Variants in ITGA9 observed in about 807,000 individuals in gnomAD.
ITGA9 encodes integrin alpha-9.
ITGA9 carries 56 observed loss-of-function variants against 127.8 expected under a neutral mutation model. The observed-to-expected ratio is 0.44, with a 90% CI of 0.35 to 0.55. The LOEUF (loss-of-function observed/expected upper bound fraction) is 0.55. Among genes scored for constraint, ITGA9 ranks in the 20% least tolerant of loss-of-function variants. The probability of loss-of-function intolerance (pLI) is 0.00; values close to 1 mark genes in which losing one functional copy is unlikely to be tolerated. For missense variants in ITGA9, 1,196 were observed against 1,347.1 expected (o/e 0.89, Z 1.76); for synonymous variants, 508 against 514.5 (o/e 0.99, Z 0.17).
At chr3:37,498,071 G>A (rs1207477586) in intron 5 of ITGA9, among the ~76,000 whole-genome samples, 1 of 152,184 alleles carries the variant, frequency 6.6e-6, no homozygotes, top group Non-Finnish European at 1.5e-5. Context: ...GAGGAAGGAG[G>A]GTTTGAGCCA....
intron 17 of ITGA9, among the ~76,000 whole-genome samples, chr3:37,667,008 G>T (rs1575185866): frequency 6.6e-6 from 1 of 152,286 alleles, no homozygotes; most frequent in Middle Eastern, 3.4e-3. Flanking sequence ...GTCTAGCTAT[G>T]GGAAAAGGCC....
chr3:37,787,570 T>G (rs1476421696), intron 26 of ITGA9, among the ~76,000 whole-genome samples: 2 of 152,196 alleles, frequency 1.3e-5, no homozygotes, highest in Admixed American at 6.5e-5. Context: ...TGACTTTGCC[T>G]TTTCAGTCCA....
At chr3:37,718,694 T>A (rs1701159258) in intron 18 of ITGA9, among the ~76,000 whole-genome samples, 1 of 152,192 alleles carries the variant, frequency 6.6e-6, no homozygotes, top group South Asian at 2.1e-4. Flanking sequence ...AGAATTTCAA[T>A]GCAGTTTCAC....
At chr3:37,511,072 C>T (rs147488970) in intron 8 of ITGA9, among the ~76,000 whole-genome samples, 17 of 152,264 alleles carry the variant, frequency 1.1e-4, no homozygotes, top group African/African-American at 3.9e-4. Flanking sequence ...GTCACATAGA[C>T]AGGAGGGTTC....
chr3:37,778,716 G>A (rs1044245820), intron 24 of ITGA9, among the ~76,000 whole-genome samples: 1 of 141,778 alleles, frequency 7.1e-6, no homozygotes, highest in African/African-American at 2.8e-5. Context: ...ATTGAAGATG[G>A]AATGACAATG....
intron 13 of ITGA9, among the ~76,000 whole-genome samples, chr3:37,531,065 A>C (rs1002572988): frequency 6.6e-6 from 1 of 151,938 alleles, no homozygotes; most frequent in Non-Finnish European, 1.5e-5. Flanking sequence ...CCAGCTTCTT[A>C]AGAAAAAAAA....
At chr3:37,610,581 G>C (rs1487574456) in intron 15 of ITGA9, among the ~76,000 whole-genome samples, 1 of 152,182 alleles carries the variant, frequency 6.6e-6, no homozygotes, top group African/African-American at 2.4e-5. Flanking sequence ...TGAGCCCGAG[G>C]TTCAGTGTTT....
intron 15 of ITGA9, among the ~76,000 whole-genome samples, chr3:37,593,007 C>T (rs1383131241): frequency 1.3e-5 from 2 of 152,102 alleles, no homozygotes; most frequent in Non-Finnish European, 1.5e-5. Context: ...AAATACAAAG[C>T]TAGTAGTTAG....
In ITGA9 at chr3:37,642,620, C is replaced by G. The variant is rs1040649551; in HGVS notation, c.1840-11094C>G. Among the ~76,000 whole-genome samples, 3 of 152,224 alleles carry G rather than the reference C, an allele frequency of 2.0e-5. No homozygotes were observed. The South Asian group carries it at 6.2e-4, about 32-fold the overall frequency. On this transcript the variant is annotated intron_variant, in intron 16 of 27. Transcript: ENST00000264741. ...TGTGATTTGCAGTGACATATCTATACCACGGTATGTTTGTAGTGACTACTT... is the reference window on the plus strand; with the variant it reads ...TGTGATTTGCAGTGACATATCTATAGCACGGTATGTTTGTAGTGACTACTT...
At position 37,494,552 on chromosome 3, in the gene ITGA9, C is replaced by T. The variant is rs150979374; in HGVS notation, c.596C>T (p.Ala199Val). ...EEHGSCQAGI[A>V]GFFTEELVVM... Reference sequence around the variant, plus strand: ...CACGGCTCCTGCCAGGCTGGGATAGCGGGCTTCTTCACCGAGGTGGGTGTC... The same window carrying T: ...CACGGCTCCTGCCAGGCTGGGATAGTGGGCTTCTTCACCGAGGTGGGTGTC... The change falls in exon 5 of 28, where the codon GCG (alanine) becomes GTG (valine). Residue 199 changes from alanine to valine, a missense_variant. By Grantham distance (64) the Ala-to-Val change is moderately conservative. Transcript: ENST00000264741. 39 of 1,613,460 alleles carry T rather than the reference C, an allele frequency of 2.4e-5. No individual in the cohort carries two copies. The highest frequency in any genetic ancestry group is 3.1e-5 in the Non-Finnish European group (37 of 1,179,526).
intron 23 of ITGA9, among the ~76,000 whole-genome samples, chr3:37,774,795 CTG>C (rs1457178271): frequency 6.6e-6 from 1 of 152,110 alleles, no homozygotes; most frequent in East Asian, 1.9e-4. Flanking sequence ...AAGTCCCAAA[CTG>C]TGAGAAACTT....
intron 18 of ITGA9, among the ~76,000 whole-genome samples, chr3:37,724,122 A>T (rs561797619): frequency 6.6e-6 from 1 of 152,166 alleles, no homozygotes; most frequent in South Asian, 2.1e-4. Context: ...CAAGGAAGGG[A>T]ATGCCACTCA....
intron 2 of ITGA9, among the ~76,000 whole-genome samples, chr3:37,472,616 G>A (rs1357913271): frequency 6.6e-6 from 1 of 152,010 alleles, no homozygotes; most frequent in Non-Finnish European, 1.5e-5. Context: ...GGCTGGTCTC[G>A]AACTTCTGGC....
intron 15 of ITGA9, among the ~76,000 whole-genome samples, chr3:37,624,307 G>A (rs534326833): frequency 2.7e-5 from 4 of 145,556 alleles, no homozygotes; most frequent in East Asian, 4.1e-4. Flanking sequence ...AGCTTTCTTC[G>A]GGTCATAGAG....
At chr3:37,564,106 G>A (rs891734407) in intron 15 of ITGA9, among the ~76,000 whole-genome samples, 1 of 152,218 alleles carries the variant, frequency 6.6e-6, no homozygotes, top group African/African-American at 2.4e-5. Context: ...AGGCACGCAA[G>A]GAGGATGCAC....
At chr3:37,531,921 G>A (rs1281823580) in intron 13 of ITGA9, among the ~76,000 whole-genome samples, 2 of 152,182 alleles carry the variant, frequency 1.3e-5, no homozygotes, top group African/African-American at 4.8e-5. Context: ...GAGGGAGGAT[G>A]CCTGTCAGGG....
At chr3:37,533,215 G>A in intron 13 of ITGA9, 99 bp from the exon 14 acceptor site, 1 of 1,070,134 alleles carries the variant, frequency 9.3e-7, no homozygotes, top group Non-Finnish European at 1.4e-6. Context: ...TTAAATGCTG[G>A]GTTGAAGGCC....
intron 15 of ITGA9, among the ~76,000 whole-genome samples, chr3:37,562,063 TCTC>T (rs1699496379): frequency 6.6e-6 from 1 of 152,092 alleles, no homozygotes; most frequent in Non-Finnish European, 1.5e-5. Flanking sequence ...TGCTGGTGGG[TCTC>T]CTCCTATTCT....
chr3:37,712,880 G>T (rs1701093970), intron 18 of ITGA9, among the ~76,000 whole-genome samples: 1 of 152,122 alleles, frequency 6.6e-6, no homozygotes, highest in African/African-American at 2.4e-5. Context: ...GATGGATGTG[G>T]GTGGCAAGAA....
Sources: gnomAD v4.1 joint callset for allele counts (sites outside exome capture counted in the v4.1 genomes callset) on GRCh38, gnomAD v4.1.1 for gene constraint, MANE v1.5 for transcripts, NCBI Gene and HGNC (gene_info 2026-07-23, HGNC 2026-07-21) for gene names.